Variants in ADAMTS16 observed in about 807,000 individuals in gnomAD.
The protein encoded by ADAMTS16 is ADAM metallopeptidase with thrombospondin type 1 motif 16.
Under a neutral mutation model 145.8 loss-of-function variants are expected in ADAMTS16, and 94 were observed. That is an observed-to-expected ratio of 0.64 (90% confidence interval 0.55 to 0.77). The LOEUF is 0.77. Ranked by LOEUF, ADAMTS16 falls within the 30% of genes least tolerant of loss-of-function variation. The pLI, the probability that ADAMTS16 is intolerant of heterozygous loss-of-function variation, is 0.00. For synonymous variants in ADAMTS16, 659 were observed against 604.3 expected (o/e 1.09, Z -1.33); for missense variants, 1,585 against 1,591.5 (o/e 1.00, Z 0.07).
intron 9 of ADAMTS16, among the ~76,000 whole-genome samples, chr5:5,203,458 G>A (rs1284849478): frequency 6.6e-6 from 1 of 152,170 alleles, no homozygotes; most frequent in African/African-American, 2.4e-5. Flanking sequence ...CTTTTAAGAT[G>A]AATCTGTTCT....
At chr5:5,222,908 G>C in intron 11 of ADAMTS16, 24 bp downstream of exon 11, 3 of 1,604,920 alleles carry the variant, frequency 1.9e-6, no homozygotes, top group Non-Finnish European at 2.6e-6. Context: ...TGTAGGTACA[G>C]CATCGTATTC....
In ADAMTS16 at chr5:5,310,812, A is replaced by G. The variant is rs750034335; in HGVS notation, c.3411+4084A>G. On this transcript the variant is annotated intron_variant, in intron 21 of 22. Transcript: ENST00000274181. The surrounding 1 kb of genome is among the most constrained non-coding windows in gnomAD (Gnocchi z 4.3). Reference sequence around the variant, plus strand: ...TATTTTGAGCCCCTAGTTTGTAGCAATTATTACAGCAGCCCCAGGGAACTC... The same window carrying G: ...TATTTTGAGCCCCTAGTTTGTAGCAGTTATTACAGCAGCCCCAGGGAACTC... Among the ~76,000 whole-genome samples the G allele has an allele frequency of 5.9e-5, 9 of 152,178 alleles. No individual in the cohort carries two copies. Among genetic ancestry groups the G allele is most frequent in the Non-Finnish European group, 1.3e-4 (9 of 68,024 alleles).
intron 18 of ADAMTS16, among the ~76,000 whole-genome samples, chr5:5,274,912 T>C (rs1324835037): frequency 6.6e-6 from 1 of 152,156 alleles, no homozygotes; most frequent in East Asian, 1.9e-4. Flanking sequence ...TAAAATTCAC[T>C]AAGATTTCCC....
At chr5:5,165,590 G>A (rs1311573789) in intron 3 of ADAMTS16, among the ~76,000 whole-genome samples, 1 of 152,222 alleles carries the variant, frequency 6.6e-6, no homozygotes, top group Non-Finnish European at 1.5e-5. Context: ...ATCGTTGTGA[G>A]AGACTGGATA....
intron 3 of ADAMTS16, among the ~76,000 whole-genome samples, chr5:5,151,605 A>C (rs1375929611): frequency 4.0e-5 from 6 of 150,278 alleles, no homozygotes; most frequent in Non-Finnish European, 8.9e-5. Flanking sequence ...ATACACACAC[A>C]CACGCACACA....
At chr5:5,238,878 G>C (rs1319286321) in intron 14 of ADAMTS16, among the ~76,000 whole-genome samples, 1 of 152,210 alleles carries the variant, frequency 6.6e-6, no homozygotes, top group African/African-American at 2.4e-5. Flanking sequence ...GCTCCAACAT[G>C]ACAACCTACA....
At position 5,179,038 on chromosome 5, in the gene ADAMTS16, C is replaced by T. The variant is rs1051934208; in HGVS notation, c.502-3006C>T. Among the ~76,000 whole-genome samples, 7 of 151,570 alleles carry T rather than the reference C, an allele frequency of 4.6e-5. No individual in the cohort carries two copies. In the East Asian group the frequency reaches 9.7e-4, roughly 21 times the overall value. On this transcript the variant is annotated intron_variant, in intron 3 of 22. Coordinates refer to ENST00000274181, the MANE Select transcript of ADAMTS16 (RefSeq NM_139056.4). ...AGGGCGAAGCATAATATTTTACATC[C>T]TTCGTTTTATTAATTCAGCAAATCT...
At chr5:5,273,466 T>G (rs2126456665) in intron 18 of ADAMTS16, among the ~76,000 whole-genome samples, 1 of 152,336 alleles carries the variant, frequency 6.6e-6, no homozygotes, top group Middle Eastern at 3.4e-3. Flanking sequence ...GAGGTTGCCC[T>G]GATGGCACCA....
chr5:5,214,054 C>T (rs1051890568), intron 10 of ADAMTS16, among the ~76,000 whole-genome samples: 9 of 152,236 alleles, frequency 5.9e-5, no homozygotes, highest in African/African-American at 1.7e-4. Context: ...CTCCCAACAG[C>T]GGGGTCTGCA....
chr5:5,307,330 T>A (rs76973761), intron 21 of ADAMTS16, among the ~76,000 whole-genome samples: 9,861 of 152,264 alleles, frequency 0.065, 449 homozygotes, highest in South Asian at 0.12. Context: ...GCGTGTGCAC[T>A]GGCTTGTGGC....
chr5:5,235,725 T>A (rs1737088312), intron 13 of ADAMTS16, among the ~76,000 whole-genome samples: 2 of 152,224 alleles, frequency 1.3e-5, no homozygotes, highest in South Asian at 4.1e-4. Context: ...GTTGTTTTCA[T>A]GATTAAAATA....
At chr5:5,225,474 A>C (rs1736733283) in intron 11 of ADAMTS16, among the ~76,000 whole-genome samples, 1 of 152,066 alleles carries the variant, frequency 6.6e-6, no homozygotes. Context: ...GTTGTGGCGC[A>C]TGCCTGTAGT....
intron 11 of ADAMTS16, among the ~76,000 whole-genome samples, chr5:5,226,314 A>T (rs550201445): frequency 8.3e-4 from 126 of 152,302 alleles, no homozygotes; most frequent in South Asian, 2.5e-3. Context: ...AAGCAAAGTC[A>T]TACCTTACAT....
At chr5:5,206,164 C>A (rs1048877412) in intron 9 of ADAMTS16, among the ~76,000 whole-genome samples, 1 of 151,710 alleles carries the variant, frequency 6.6e-6, no homozygotes, top group African/African-American at 2.4e-5. Context: ...CGGTGGCTCA[C>A]GGCTGTAATC....
At chr5:5,236,720 A>G (rs1340420838) in intron 13 of ADAMTS16, among the ~76,000 whole-genome samples, 2 of 152,214 alleles carry the variant, frequency 1.3e-5, no homozygotes, top group African/African-American at 4.8e-5. Context: ...ACTATGTGCC[A>G]AACACTGTAT....
intron 16 of ADAMTS16, 152 bp from the exon 17 acceptor site, chr5:5,241,901 T>C (rs1315995465): frequency 1.6e-5 from 16 of 977,334 alleles, no homozygotes; most frequent in African/African-American, 5.0e-5. Flanking sequence ...AGAAATTTTA[T>C]GTAAAGTTTG....
intron 11 of ADAMTS16, among the ~76,000 whole-genome samples, chr5:5,227,128 C>G (rs908527610): frequency 6.6e-6 from 1 of 152,234 alleles, no homozygotes; most frequent in Admixed American, 6.5e-5. Context: ...ACACCGGGCT[C>G]AGAGCACATG....
At chr5:5,243,989 A>C (rs1737368602) in intron 17 of ADAMTS16, among the ~76,000 whole-genome samples, 1 of 152,190 alleles carries the variant, frequency 6.6e-6, no homozygotes. Flanking sequence ...AGAGCTAGTG[A>C]GTTCTGTTTG....
intron 3 of ADAMTS16, among the ~76,000 whole-genome samples, chr5:5,173,623 G>A (rs111670474): frequency 0.14 from 20,587 of 151,746 alleles, 1,748 homozygotes; most frequent in Middle Eastern, 0.27. Context: ...ACAGGTGCCC[G>A]CCACCACGCC....
Sources: allele counts gnomAD v4.1 joint callset (sites outside exome capture counted in the v4.1 genomes callset), GRCh38; gene constraint gnomAD v4.1.1; non-coding constraint Gnocchi (gnomAD v3.1); transcripts MANE v1.5; gene names NCBI Gene and HGNC (gene_info 2026-07-23, HGNC 2026-07-21).